The following NCAM2 variants were observed in gnomAD, a reference collection of about 807,000 sequenced individuals.
NCAM2 encodes N-CAM-2.
NCAM2 carries 30 observed loss-of-function variants against 98.1 expected under a neutral mutation model. The ratio of observed to expected loss-of-function variants is 0.31; its 90% CI spans 0.23 to 0.41. NCAM2 has a LOEUF of 0.41. Ranked by LOEUF, NCAM2 falls within the 10% of genes least tolerant of loss-of-function variation. The pLI is 1.00. For missense variants in NCAM2, 867 were observed against 1,005.8 expected (o/e 0.86, Z 1.87); for synonymous variants, 368 against 342.4 (o/e 1.07, Z -0.83).
intron 8 of NCAM2, among the ~76,000 whole-genome samples, chr21:21,344,093 C>T (rs934880432): frequency 1.3e-5 from 2 of 152,142 alleles, no homozygotes; most frequent in South Asian, 2.1e-4. Context: ...GGACTTTGTT[C>T]CATGTCTTAT....
intron 9 of NCAM2, among the ~76,000 whole-genome samples, chr21:21,403,214 T>C (rs2076669126): frequency 6.6e-6 from 1 of 152,184 alleles, no homozygotes; most frequent in South Asian, 2.1e-4. Context: ...TGAGAAGCAC[T>C]ATGCCTGGGA....
At chr21:21,343,772 T>C (rs1050426854) in intron 8 of NCAM2, among the ~76,000 whole-genome samples, 1 of 152,064 alleles carries the variant, frequency 6.6e-6, no homozygotes, top group African/African-American at 2.4e-5. Context: ...GTGCTCTGTG[T>C]CTCCCAGTAA....
intron 9 of NCAM2, among the ~76,000 whole-genome samples, chr21:21,379,483 T>TA (rs1472100844): frequency 6.6e-6 from 1 of 152,110 alleles, no homozygotes; most frequent in Admixed American, 6.6e-5. Flanking sequence ...CAGCTAAAAA[T>TA]ATAATTTTCC....
At chr21:21,361,993 T>C (rs181503659) in intron 8 of NCAM2, among the ~76,000 whole-genome samples, 179 of 152,276 alleles carry the variant, frequency 1.2e-3, no homozygotes, top group African/African-American at 4.1e-3. Flanking sequence ...TTATAGAAAT[T>C]CATATTTTTA....
In NCAM2 at chr21:21,414,925, G is replaced by A. The variant is rs1016774765; in HGVS notation, c.1384-3548G>A. ...TTGGGTGACTAGGTACATTGTCAAT[G>A]AGCACGACTAGTTTGAAGGGAATCT... On this transcript the variant is annotated intron_variant, in intron 10 of 17. Transcript: ENST00000400546. Among the ~76,000 whole-genome samples, 6 of 149,482 alleles carry A rather than the reference G, an allele frequency of 4.0e-5. No individual in the cohort carries two copies. In the South Asian group the frequency reaches 1.3e-3, roughly 32 times the overall value.
intron 1 of NCAM2, among the ~76,000 whole-genome samples, chr21:21,117,544 C>T (rs1298429125): frequency 6.6e-6 from 1 of 151,990 alleles, no homozygotes; most frequent in Non-Finnish European, 1.5e-5. Context: ...TATGATAATG[C>T]AATGAAATGT....
intron 7 of NCAM2, 149 bp from the exon 8 acceptor site, chr21:21,338,240 C>T (rs8126598): frequency 0.2 from 124,938 of 632,662 alleles, 13,450 homozygotes; most frequent in Non-Finnish European, 0.22. Flanking sequence ...TGTCCTGGTA[C>T]GTCTGTAAGG....
At chr21:21,251,791 G>A (rs1213574118) in intron 1 of NCAM2, among the ~76,000 whole-genome samples, 2 of 139,378 alleles carry the variant, frequency 1.4e-5, no homozygotes, top group African/African-American at 2.6e-5. Flanking sequence ...TTTAGATTCT[G>A]GATTTTAGAC....
rs1312792307 is a variant in NCAM2 at position 21,530,291 on chromosome 21, T to C, written c.2283-4246T>C. Among the ~76,000 whole-genome samples, 7 of 124,942 alleles carry C rather than the reference T, an allele frequency of 5.6e-5. No individual in the cohort carries two copies. The East Asian group carries it at 6.6e-4, about 12-fold the overall frequency. The allele number at this position is 124,942 out of a possible 152,430, so 82.0% of individuals were successfully genotyped here. A position where few individuals can be genotyped will look rare whatever the true frequency, so the allele number is the denominator to read the frequency against. On this transcript the variant is annotated intron_variant, in intron 16 of 17. Coordinates refer to ENST00000400546, the MANE Select transcript of NCAM2 (RefSeq NM_004540.5). The stretch of plus-strand genomic sequence containing the variant: ...AATTATATATAATTTAATTTAATTA[T>C]ATATAATTAAATTAAATTATATATA...
chr21:21,461,600 C>A (rs1244967183), intron 12 of NCAM2, among the ~76,000 whole-genome samples: 1 of 151,608 alleles, frequency 6.6e-6, no homozygotes, highest in South Asian at 2.1e-4. Context: ...AAATATATAT[C>A]CATATAAATG....
chr21:21,408,157 T>C (rs2076781427), intron 9 of NCAM2, among the ~76,000 whole-genome samples: 1 of 152,112 alleles, frequency 6.6e-6, no homozygotes, highest in Non-Finnish European at 1.5e-5. Context: ...ATGAGGGAAA[T>C]CACAGAATGC....
intron 12 of NCAM2, among the ~76,000 whole-genome samples, chr21:21,447,348 T>C (rs2146109818): frequency 6.6e-6 from 1 of 152,134 alleles, no homozygotes; most frequent in African/African-American, 2.4e-5. Flanking sequence ...GCTAGCAATA[T>C]GCAAAAAACT....
chr21:21,243,491 A>G (rs372468122), intron 1 of NCAM2, among the ~76,000 whole-genome samples: 7 of 152,098 alleles, frequency 4.6e-5, no homozygotes, highest in Non-Finnish European at 1.0e-4. Flanking sequence ...TAACCAGTTG[A>G]TGAAAATTTA....
At chr21:21,184,619 T>A (rs555731814) in intron 1 of NCAM2, among the ~76,000 whole-genome samples, 1 of 152,148 alleles carries the variant, frequency 6.6e-6, no homozygotes, top group East Asian at 1.9e-4. Context: ...TCCAGACCTC[T>A]ATAGCAAATT....
intron 5 of NCAM2, among the ~76,000 whole-genome samples, chr21:21,315,442 C>T (rs748094581): frequency 3.3e-5 from 5 of 152,266 alleles, no homozygotes; most frequent in African/African-American, 1.2e-4. Flanking sequence ...ATTTATCTCT[C>T]TCTGCCCCAA....
At chr21:21,444,379 A>G (rs544577964) in intron 12 of NCAM2, among the ~76,000 whole-genome samples, 3 of 152,196 alleles carry the variant, frequency 2.0e-5, no homozygotes, top group East Asian at 3.9e-4. Flanking sequence ...CTCCGTTTCA[A>G]TTGTTTGGAA....
chr21:21,309,270 G>GT (rs1305135480), intron 5 of NCAM2, among the ~76,000 whole-genome samples: 5 of 151,852 alleles, frequency 3.3e-5, no homozygotes, highest in Non-Finnish European at 5.9e-5. Flanking sequence ...TTTATCTGCT[G>GT]TTTTTTTGTT....
At chr21:21,388,678 T>C (rs920111252) in intron 9 of NCAM2, among the ~76,000 whole-genome samples, 2 of 152,208 alleles carry the variant, frequency 1.3e-5, no homozygotes, top group Non-Finnish European at 2.9e-5. Context: ...AAATTTAAAA[T>C]GTGATGCTCG....
chr21:21,307,862 T>C (rs969071242), intron 5 of NCAM2, among the ~76,000 whole-genome samples: 1 of 152,084 alleles, frequency 6.6e-6, no homozygotes, highest in African/African-American at 2.4e-5. Context: ...GCTTTTAATA[T>C]CAGATGAAAA....
Sources: allele counts gnomAD v4.1 joint callset (sites outside exome capture counted in the v4.1 genomes callset), GRCh38; gene constraint gnomAD v4.1.1; transcripts MANE v1.5; gene names NCBI Gene and HGNC (gene_info 2026-07-23, HGNC 2026-07-21).